The following KMT2C variants were observed in gnomAD, a reference collection of about 807,000 sequenced individuals.
KMT2C encodes the protein histone-lysine N-methyltransferase 2C.
KMT2C carries 88 observed loss-of-function variants against 507.9 expected under a neutral mutation model. The observed-to-expected ratio is 0.17, with a 90% CI of 0.15 to 0.21. The LOEUF (loss-of-function observed/expected upper bound fraction) is 0.21. Among genes scored for constraint, KMT2C ranks in the 10% least tolerant of loss-of-function variants. The pLI is 1.00. For missense variants in KMT2C, 4,954 were observed against 5,957.8 expected (o/e 0.83, Z 5.55); for synonymous variants, 2,049 against 2,080.8 (o/e 0.98, Z 0.42).
At chr7:152,266,133 C>T (rs1175441525) in intron 7 of KMT2C, among the ~76,000 whole-genome samples, 1 of 152,216 alleles carries the variant, frequency 6.6e-6, no homozygotes, top group African/African-American at 2.4e-5. Context: ...TTCCTATCTA[C>T]TATTCTGACT....
rs2116821469 is a variant in KMT2C, at chr7:152,435,694, G to C, written c.93C>G (p.Ala31=). The C allele has an allele frequency of 6.5e-7, 1 of 1,543,286 alleles. No homozygotes were observed. The highest frequency in any genetic ancestry group is 8.7e-7 in the Non-Finnish European group (1 of 1,144,078). Residue 31 remains alanine, a synonymous_variant, in exon 1 of 59, where the codon GCC becomes GCG. Coordinates refer to ENST00000262189, the MANE Select transcript of KMT2C (RefSeq NM_170606.3). The part of the protein sequence containing the change: ...EPGAPAPSPA[A]ADKRPRGRPR... ...GCCGGCCCCGAGGTCTTTTGTCTGC[G>C]GCTGCGGGGCTCGGGGCCGGGGCTC...
In KMT2C at chr7:152,192,992, A is replaced by C. The variant is rs939858091; in HGVS notation, c.4660+1017T>G. 3.9e-5 allele frequency among the ~76,000 whole-genome samples: 6 copies of C among 152,086 alleles called. No homozygotes were observed. In the South Asian group the frequency reaches 8.3e-4, roughly 21 times the overall value. On this transcript the variant is annotated intron_variant, in intron 31 of 58. Coordinates refer to ENST00000262189, the MANE Select transcript of KMT2C (RefSeq NM_170606.3). ...AGTTCTAGACTGGCCTGGGCAACAA[A>C]GTGAGACCCCCACCTCTGCAAAAAA... is the stretch of plus-strand genomic sequence containing the variant.
intron 23 of KMT2C, among the ~76,000 whole-genome samples, chr7:152,215,229 G>C (rs2094542748): frequency 6.6e-6 from 1 of 151,908 alleles, no homozygotes; most frequent in African/African-American, 2.4e-5. Context: ...AAGACTGAAA[G>C]AAAGCCGAGC....
intron 23 of KMT2C, among the ~76,000 whole-genome samples, chr7:152,210,043 G>A (rs923765412): frequency 6.6e-6 from 1 of 152,076 alleles, no homozygotes; most frequent in Non-Finnish European, 1.5e-5. Flanking sequence ...TGGAACAATG[G>A]GATGAAGACT....
intron 42 of KMT2C, among the ~76,000 whole-genome samples, chr7:152,166,203 A>G (rs1431537172): frequency 6.7e-6 from 1 of 149,192 alleles, no homozygotes; most frequent in Non-Finnish European, 1.5e-5. Flanking sequence ...GCTCACCACA[A>G]CCTCTGACTC....
At chr7:152,216,569 T>C (rs1036664653) in intron 23 of KMT2C, among the ~76,000 whole-genome samples, 18 of 152,264 alleles carry the variant, frequency 1.2e-4, no homozygotes, top group Admixed American at 5.9e-4. Context: ...CTCTCCCTAA[T>C]GTATTGTACT....
chr7:152,294,861 T>TCCTCAA (rs2096474567), intron 6 of KMT2C, among the ~76,000 whole-genome samples: 1 of 152,198 alleles, frequency 6.6e-6, no homozygotes, highest in Non-Finnish European at 1.5e-5. Context: ...CACTGGTTCT[T>TCCTCAA]CCTCAGAGCA....
intron 1 of KMT2C, among the ~76,000 whole-genome samples, chr7:152,387,436 A>AAAGT (rs34623372): frequency 0.31 from 41,460 of 132,560 alleles, 7,878 homozygotes; most frequent in African/African-American, 0.56. Context: ...GCCAAAAAAA[A>AAAGT]AAGTGACAAA....
chr7:152,220,009 GA>G lies in KMT2C; in HGVS notation c.3712+513del, dbSNP rs879271935. ...CAGAGCAAGACCCTGTCTCCCAACT[GA>G]AAAAAAAAAAAAGAATTCAGCTAGA... is the stretch of plus-strand genomic sequence containing the variant. On this transcript the variant is annotated intron_variant, in intron 23 of 58. Transcript: ENST00000262189. 5.4e-3 allele frequency: 695 copies of G among 128,784 alleles called. 1 individual carries two copies. Among genetic ancestry groups the G allele is most frequent in the South Asian group, 7.1e-3 (30 of 4,232 alleles). The allele number at this position is 128,784 out of a possible 1,614,324, so 8.0% of individuals were successfully genotyped here.
At chr7:152,160,731 G>A (rs1283238527) in intron 43 of KMT2C, among the ~76,000 whole-genome samples, 2 of 149,626 alleles carry the variant, frequency 1.3e-5, no homozygotes, top group African/African-American at 4.9e-5. Context: ...TGGGGGGAGG[G>A]GCTACTTTTT....
At chr7:152,319,388 T>C (rs148031923) in intron 3 of KMT2C, among the ~76,000 whole-genome samples, 13 of 152,168 alleles carry the variant, frequency 8.5e-5, no homozygotes, top group East Asian at 7.7e-4. Context: ...TGAGGGGACA[T>C]AGTGAGAAGT....
intron 1 of KMT2C, among the ~76,000 whole-genome samples, chr7:152,433,386 G>A (rs193174000): frequency 6.6e-6 from 1 of 151,760 alleles, no homozygotes; most frequent in East Asian, 1.9e-4. Flanking sequence ...GGTCTTTTCT[G>A]CATGGATTCT....
Position 152,156,467 on chromosome 7 carries a change from T to C in KMT2C, c.11671-121A>G, listed in dbSNP as rs1176204339. 6 of 1,257,166 alleles carry C rather than the reference T, an allele frequency of 4.8e-6. 1 individual carries two copies. Among genetic ancestry groups the C allele is most frequent in the African/African-American group, 4.5e-5 (3 of 66,466 alleles). The allele number at this position is 1,257,166 out of a possible 1,614,324, so 77.9% of individuals were successfully genotyped here. A position where few individuals can be genotyped will look rare whatever the true frequency, so the allele number is the denominator to read the frequency against. Reference sequence around the variant, plus strand: ...CAAGGCTACAGAAATGTAATCAAGATGTATCTTGCACACCAAGAAAACAAT... The same window carrying C: ...CAAGGCTACAGAAATGTAATCAAGACGTATCTTGCACACCAAGAAAACAAT... On this transcript the variant is annotated intron_variant, in intron 44 of 58. Transcript: ENST00000262189.
chr7:152,393,940 A>C (rs921627682), intron 1 of KMT2C, among the ~76,000 whole-genome samples: 1 of 151,912 alleles, frequency 6.6e-6, no homozygotes, highest in Non-Finnish European at 1.5e-5. Flanking sequence ...GGCTTCCAGG[A>C]AAGGTTTTTA....
intron 28 of KMT2C, 49 bp downstream of exon 28, chr7:152,195,858 C>A: frequency 1.9e-6 from 2 of 1,055,462 alleles, no homozygotes; most frequent in African/African-American, 1.6e-5. Flanking sequence ...TCATACACCT[C>A]TCGCTCACAT....
intron 23 of KMT2C, among the ~76,000 whole-genome samples, chr7:152,213,678 CA>C (rs2094505253): frequency 6.7e-6 from 1 of 150,348 alleles, no homozygotes; most frequent in African/African-American, 2.4e-5. Flanking sequence ...GATATCACAC[CA>C]AAAGCTCAGG....
At chr7:152,389,307 G>C (rs1399844638) in intron 1 of KMT2C, among the ~76,000 whole-genome samples, 1 of 148,766 alleles carries the variant, frequency 6.7e-6, no homozygotes, top group Admixed American at 6.7e-5. Flanking sequence ...CGAGACTGCA[G>C]TGAGCAGAGA....
chr7:152,395,245 C>T (rs190822317), intron 1 of KMT2C, among the ~76,000 whole-genome samples: 28 of 152,112 alleles, frequency 1.8e-4, no homozygotes, highest in South Asian at 6.2e-4. Flanking sequence ...AGTGCAGTGG[C>T]GCAACCATGA....
At chr7:152,361,213 G>A (rs965370229) in intron 1 of KMT2C, among the ~76,000 whole-genome samples, 2 of 152,158 alleles carry the variant, frequency 1.3e-5, no homozygotes, top group Non-Finnish European at 2.9e-5. Context: ...ACACTCTAAG[G>A]TGGATCTTAT....
Sources: allele counts gnomAD v4.1 joint callset (sites outside exome capture counted in the v4.1 genomes callset), GRCh38; gene constraint gnomAD v4.1.1; transcripts MANE v1.5; gene names NCBI Gene and HGNC (gene_info 2026-07-23, HGNC 2026-07-21).